GABRG3: variants seen among roughly 807,000 people sequenced by gnomAD.
GABRG3 encodes the protein gamma-aminobutyric acid type A receptor subunit gamma3, also known as gamma-aminobutyric acid receptor subunit gamma-3.
Under a neutral mutation model 48.8 loss-of-function variants are expected in GABRG3, and 25 were observed. The observed-to-expected ratio is 0.51, with a 90% CI of 0.37 to 0.72. The LOEUF is 0.72. Among genes scored for constraint, GABRG3 ranks in the 30% least tolerant of loss-of-function variants. The probability of loss-of-function intolerance (pLI) is 0.00; values close to 1 mark genes in which losing one functional copy is unlikely to be tolerated. For synonymous variants in GABRG3, 227 were observed against 217.6 expected (o/e 1.04, Z -0.38); for missense variants, 394 against 577.9 (o/e 0.68, Z 3.26).
chr15:27,464,345 A>G (rs1250454821), intron 5 of GABRG3, among the ~76,000 whole-genome samples: 8 of 152,176 alleles, frequency 5.3e-5, no homozygotes, highest in Admixed American at 3.9e-4. Context: ...CATTTTATAT[A>G]AAGTGAATTA....
At chr15:27,371,387 A>G (rs115470841) in intron 5 of GABRG3, among the ~76,000 whole-genome samples, 1 of 152,192 alleles carries the variant, frequency 6.6e-6, no homozygotes, top group African/African-American at 2.4e-5. Flanking sequence ...ATGCATATAA[A>G]TTCATAAAGG....
intron 3 of GABRG3, among the ~76,000 whole-genome samples, chr15:27,037,825 A>G (rs1896205581): frequency 6.6e-6 from 1 of 152,162 alleles, no homozygotes; most frequent in East Asian, 1.9e-4. Flanking sequence ...AGGAGTCTAG[A>G]AAGGGAGCTG....
intron 3 of GABRG3, among the ~76,000 whole-genome samples, chr15:27,057,193 G>A (rs957748405): frequency 6.6e-6 from 1 of 152,042 alleles, no homozygotes; most frequent in Non-Finnish European, 1.5e-5. Flanking sequence ...TCCAAGGGTG[G>A]ATCTTTCTTC....
At chr15:27,488,160 C>T (rs955560488) in intron 6 of GABRG3, among the ~76,000 whole-genome samples, 2 of 152,188 alleles carry the variant, frequency 1.3e-5, no homozygotes, top group Non-Finnish European at 2.9e-5. Flanking sequence ...ACCCTCCCAG[C>T]CCACCTGGAT....
intron 3 of GABRG3, among the ~76,000 whole-genome samples, chr15:27,065,345 AT>A (rs2140727812): frequency 6.6e-6 from 1 of 152,318 alleles, no homozygotes; most frequent in East Asian, 1.9e-4. Flanking sequence ...AGTCATCTTT[AT>A]GTCTAAAAAC....
chr15:27,451,894 C>T (rs1001597876), intron 5 of GABRG3, among the ~76,000 whole-genome samples: 4 of 152,130 alleles, frequency 2.6e-5, no homozygotes, highest in African/African-American at 9.7e-5. Flanking sequence ...AAAATATAAG[C>T]ATATCTGGTG....
At position 27,447,467 on chromosome 15, in the gene GABRG3, G is replaced by A. The variant is rs751764235; in HGVS notation, c.575-33183G>A. On this transcript the variant is annotated intron_variant, in intron 5 of 9. Coordinates refer to ENST00000615808, the MANE Select transcript of GABRG3 (RefSeq NM_033223.5). This position sits in a 1 kb window ranked among gnomAD's most constrained non-coding sequence, Gnocchi z 4.0. ...AGGTGAATAAACCTGAAGTGTCCAA[G>A]TGGGGGAGATGCCATAATTATAGTG... 7.2e-5 allele frequency among the ~76,000 whole-genome samples: 11 copies of A among 152,182 alleles called. No individual in the cohort carries two copies. The highest frequency in any genetic ancestry group is 1.5e-4 in the Non-Finnish European group (10 of 68,036).
intron 6 of GABRG3, among the ~76,000 whole-genome samples, chr15:27,500,952 G>GTTTTTTTTTTT (rs61305255): frequency 8.2e-6 from 1 of 122,190 alleles, no homozygotes; most frequent in African/African-American, 3.2e-5. Flanking sequence ...AGTAACGTAT[G>GTTTTTTTTTTT]TTTTTTTTTT....
intron 3 of GABRG3, among the ~76,000 whole-genome samples, chr15:27,247,641 G>C (rs376299032): frequency 6.6e-6 from 1 of 152,192 alleles, no homozygotes; most frequent in Non-Finnish European, 1.5e-5. Flanking sequence ...TGCTGGTAAA[G>C]ACGTACTGGA....
intron 3 of GABRG3, among the ~76,000 whole-genome samples, chr15:27,125,392 C>T (rs1897802751): frequency 6.6e-6 from 1 of 151,944 alleles, no homozygotes; most frequent in African/African-American, 2.4e-5. Context: ...TTAATGCGCA[C>T]AAAGTTATAG....
At chr15:27,184,407 CT>C (rs2140418563) in intron 3 of GABRG3, among the ~76,000 whole-genome samples, 1 of 152,300 alleles carries the variant, frequency 6.6e-6, no homozygotes, top group South Asian at 2.1e-4. Flanking sequence ...TATCTGGATT[CT>C]TCTCGATTGC....
chr15:27,456,656 G>C (rs1191552949), intron 5 of GABRG3, among the ~76,000 whole-genome samples: 1 of 152,198 alleles, frequency 6.6e-6, no homozygotes, highest in African/African-American at 2.4e-5. Context: ...TGGAAAGAGT[G>C]ACAGGGCTGC....
intron 3 of GABRG3, among the ~76,000 whole-genome samples, chr15:27,209,207 C>G (rs1432868093): frequency 6.6e-6 from 1 of 152,162 alleles, no homozygotes; most frequent in Non-Finnish European, 1.5e-5. Context: ...AATGGAGAGT[C>G]CTGTCATCCA....
intron 6 of GABRG3, among the ~76,000 whole-genome samples, chr15:27,518,369 C>CAAAAA (rs3058095): frequency 0.066 from 8,316 of 126,376 alleles, 391 homozygotes; most frequent in African/African-American, 0.097. Flanking sequence ...AACTCTGTCT[C>CAAAAA]AAAAAAAAAA....
chr15:27,117,715 A>G (rs1262877034), intron 3 of GABRG3, among the ~76,000 whole-genome samples: 2 of 152,146 alleles, frequency 1.3e-5, no homozygotes, highest in East Asian at 3.9e-4. Flanking sequence ...GACTAAGCCT[A>G]CTTCTTACTA....
chr15:27,502,494 G>GAAGTGTGC (rs1890664851), intron 6 of GABRG3, among the ~76,000 whole-genome samples: 3 of 152,196 alleles, frequency 2.0e-5, no homozygotes, highest in African/African-American at 7.2e-5. Flanking sequence ...CCCCAGATCT[G>GAAGTGTGC]AAGTGTGCAA....
At chr15:27,245,819 A>C (rs543043598) in intron 3 of GABRG3, among the ~76,000 whole-genome samples, 63 of 152,228 alleles carry the variant, frequency 4.1e-4, no homozygotes, top group African/African-American at 1.5e-3. Flanking sequence ...GTTGCAGTGC[A>C]CTCCAGCCTG....
At chr15:27,183,445 C>T (rs1322985344) in intron 3 of GABRG3, among the ~76,000 whole-genome samples, 1 of 152,118 alleles carries the variant, frequency 6.6e-6, no homozygotes. Flanking sequence ...AGCCAGGCAG[C>T]GTGGATCCAG....
At chr15:27,309,185 C>T (rs985576460) in intron 3 of GABRG3, among the ~76,000 whole-genome samples, 2 of 145,888 alleles carry the variant, frequency 1.4e-5, no homozygotes, top group Admixed American at 1.3e-4. Flanking sequence ...TATATAGAAA[C>T]ACATATAATG....
Sources: allele counts gnomAD v4.1 joint callset (sites outside exome capture counted in the v4.1 genomes callset), GRCh38; gene constraint gnomAD v4.1.1; non-coding constraint Gnocchi (gnomAD v3.1); transcripts MANE v1.5; gene names NCBI Gene and HGNC (gene_info 2026-07-23, HGNC 2026-07-21).